The following MACROD2 variants were observed in gnomAD, a reference collection of about 807,000 sequenced individuals.
MACROD2 encodes mono-ADP ribosylhydrolase 2.
Under a neutral mutation model 70.4 loss-of-function variants are expected in MACROD2, and 36 were observed. The observed-to-expected ratio is 0.51, with a 90% CI of 0.39 to 0.68. The LOEUF is 0.68. Among genes scored for constraint, MACROD2 ranks in the 30% least tolerant of loss-of-function variants. The pLI, the probability that MACROD2 is intolerant of heterozygous loss-of-function variation, is 0.00. For synonymous variants in MACROD2, 172 were observed against 178.8 expected (o/e 0.96, Z 0.30); for missense variants, 496 against 538.4 (o/e 0.92, Z 0.78).
At chr20:14,329,460 T>C (rs977072295) in intron 3 of MACROD2, 1 of 152,096 alleles carries the variant, frequency 6.6e-6, no homozygotes, top group East Asian at 1.9e-4. Flanking sequence ...AAGGGATAGG[T>C]TGACCTCTTT....
intron 5 of MACROD2, among the ~76,000 whole-genome samples, chr20:14,864,070 T>C (rs1005110510): frequency 1.3e-4 from 20 of 152,248 alleles, no homozygotes; most frequent in African/African-American, 4.8e-4. Context: ...TTCCCTTAGG[T>C]GTCCATTTTC....
At chr20:15,194,407 A>G (rs1021064974) in intron 5 of MACROD2, among the ~76,000 whole-genome samples, 1 of 152,096 alleles carries the variant, frequency 6.6e-6, no homozygotes, top group Admixed American at 6.6e-5. Flanking sequence ...TGCATGCTTT[A>G]ACTGATTCTT....
chr20:14,725,475 A>G (rs111283871), intron 5 of MACROD2, among the ~76,000 whole-genome samples: 16 of 152,276 alleles, frequency 1.1e-4, no homozygotes, highest in African/African-American at 3.6e-4. Context: ...AAACTGAGCT[A>G]GAAAGAAAAA....
intron 3 of MACROD2, among the ~76,000 whole-genome samples, chr20:14,417,066 CATCTATCTATCTATCT>C (rs11405633): frequency 0.35 from 46,069 of 132,380 alleles, 7,301 homozygotes; most frequent in Admixed American, 0.4. Context: ...ATCTATCTAT[CATCTATCTATCTATCT>C]ATCTATCTAT....
chr20:14,254,748 G>A (rs2082039257), intron 3 of MACROD2, among the ~76,000 whole-genome samples: 1 of 152,152 alleles, frequency 6.6e-6, no homozygotes, highest in Non-Finnish European at 1.5e-5. Flanking sequence ...AGAAGTGTAA[G>A]GTTAATATTG....
intron 3 of MACROD2, among the ~76,000 whole-genome samples, chr20:14,155,487 T>G (rs1235798138): frequency 6.6e-6 from 1 of 152,192 alleles, no homozygotes; most frequent in Non-Finnish European, 1.5e-5. Context: ...ATTTCAAAAC[T>G]TACTTTTTTG....
chr20:14,515,465 G>GCGCGCACACACACA (rs1369248292), intron 4 of MACROD2, among the ~76,000 whole-genome samples: 208 of 127,164 alleles, frequency 1.6e-3, no homozygotes, highest in Middle Eastern at 4.0e-3. Flanking sequence ...ACACACACAC[G>GCGCGCACACACACA]CACACACACA....
chr20:14,900,919 T>G (rs897534519), intron 5 of MACROD2, among the ~76,000 whole-genome samples: 1 of 152,074 alleles, frequency 6.6e-6, no homozygotes, highest in Admixed American at 6.5e-5. Flanking sequence ...ACTAGAAAAT[T>G]GAAACCAATT....
At chr20:15,037,628 T>C (rs2075323356) in intron 5 of MACROD2, among the ~76,000 whole-genome samples, 1 of 151,810 alleles carries the variant, frequency 6.6e-6, no homozygotes, top group Non-Finnish European at 1.5e-5. Flanking sequence ...TTGATTACTT[T>C]CTCTCTCTTT....
At chr20:15,734,720 A>G (rs76025405) in intron 8 of MACROD2, among the ~76,000 whole-genome samples, 4,649 of 152,276 alleles carry the variant, frequency 0.031, 96 homozygotes, top group Middle Eastern at 0.058. Context: ...ATGTGTCTAT[A>G]TATAGAAATT....
rs774108041 is a variant in MACROD2 at position 15,986,781 on chromosome 20, G to A, written c.1040G>A (p.Ser347Asn). The stretch of plus-strand genomic sequence containing the variant: ...ATAAAAATTGAAACAGAATCGCAGA[G>A]CTCATATATGGAAACAGAAGGTACT... ...NEIKIETESQ[S>N]SYMETEELSS... The change falls in exon 14 of 18, where the codon AGC becomes AAC. Residue 347 changes from serine to asparagine, a missense_variant. Transcript: ENST00000684519. The A allele has an allele frequency of 3.7e-6, 6 of 1,612,912 alleles. No individual in the cohort carries two copies. Among genetic ancestry groups the A allele is most frequent in the Non-Finnish European group, 8.5e-7 (1 of 1,179,268 alleles).
intron 4 of MACROD2, among the ~76,000 whole-genome samples, chr20:14,553,901 G>T: frequency 6.6e-6 from 1 of 152,198 alleles, no homozygotes; most frequent in Middle Eastern, 3.4e-3. Context: ...TTCTGAGCAT[G>T]GTTTTCCATT....
intron 3 of MACROD2, among the ~76,000 whole-genome samples, chr20:14,421,308 T>C (rs1268974413): frequency 6.6e-6 from 1 of 152,254 alleles, no homozygotes; most frequent in Non-Finnish European, 1.5e-5. Flanking sequence ...CTTAAATGTT[T>C]AGTAGAAATC....
At chr20:14,156,996 C>T (rs1026806130) in intron 3 of MACROD2, among the ~76,000 whole-genome samples, 2 of 152,182 alleles carry the variant, frequency 1.3e-5, no homozygotes, top group Admixed American at 6.5e-5. Flanking sequence ...AGTGATCCAA[C>T]TCTTCTAGCT....
intron 5 of MACROD2, among the ~76,000 whole-genome samples, chr20:15,054,555 A>G (rs145867371): frequency 6.6e-6 from 1 of 152,294 alleles, no homozygotes; most frequent in East Asian, 1.9e-4. Context: ...TGCACCCTTA[A>G]TCAGCTACAG....
At chr20:16,042,242 A>G (rs866137928) in intron 16 of MACROD2, among the ~76,000 whole-genome samples, 2 of 152,024 alleles carry the variant, frequency 1.3e-5, no homozygotes, top group Non-Finnish European at 2.9e-5. Context: ...ACTCATGGGC[A>G]TGCATTGCCT....
chr20:15,450,454 A>G (rs549374006), intron 7 of MACROD2, among the ~76,000 whole-genome samples: 81 of 152,072 alleles, frequency 5.3e-4, no homozygotes, highest in African/African-American at 1.9e-3. Flanking sequence ...ATTACCTTTT[A>G]TTTATAGAGA....
chr20:14,564,412 C>T (rs1034225055), intron 4 of MACROD2, among the ~76,000 whole-genome samples: 2 of 151,852 alleles, frequency 1.3e-5, no homozygotes, highest in Non-Finnish European at 2.9e-5. Context: ...AAAAAGACAA[C>T]ATATAGAATG....
chr20:15,138,101 T>A (rs1224513230), intron 5 of MACROD2, among the ~76,000 whole-genome samples: 5 of 152,174 alleles, frequency 3.3e-5, no homozygotes, highest in Non-Finnish European at 7.4e-5. Flanking sequence ...TGATATGAGA[T>A]GAAAATTTAG....
Sources: gnomAD v4.1 joint callset for allele counts (sites outside exome capture counted in the v4.1 genomes callset) on GRCh38, gnomAD v4.1.1 for gene constraint, MANE v1.5 for transcripts, NCBI Gene and HGNC (gene_info 2026-07-23, HGNC 2026-07-21) for gene names.